Variants in KNL1 observed in about 807,000 individuals in gnomAD.
The protein encoded by KNL1 is outer kinetochore KNL1 complex subunit KNL1.
Under a neutral mutation model 201.3 loss-of-function variants are expected in KNL1, and 66 were observed. The ratio of observed to expected loss-of-function variants is 0.33; its 90% confidence interval spans 0.27 to 0.40. The LOEUF is 0.40. Among genes scored for constraint, KNL1 ranks in the 10% least tolerant of loss-of-function variants. KNL1 has a pLI of 1.00. For synonymous variants in KNL1, 895 were observed against 899.2 expected, an observed-to-expected ratio of 1.00 and a Z score of 0.08; for missense variants, 2,815 against 2,690.5, an observed-to-expected ratio of 1.05 and a Z score of -1.02.
At chr15:40,657,229 TA>T in intron 23 of KNL1, 78 bp downstream of exon 23, 10 of 1,061,394 alleles carry the variant, frequency 9.4e-6, no homozygotes, top group Non-Finnish European at 1.4e-5. Flanking sequence ...TTTACATAAA[TA>T]ATAGTGGATC....
At chr15:40,641,623 C>T (rs1324093250) in intron 14 of KNL1, among the ~76,000 whole-genome samples, 2 of 152,170 alleles carry the variant, frequency 1.3e-5, no homozygotes, top group Non-Finnish European at 2.9e-5. Context: ...TATAAAATTA[C>T]CCTCAAACTA....
chr15:40,660,520 G>C (rs1893877478), intron 25 of KNL1, among the ~76,000 whole-genome samples: 1 of 151,866 alleles, frequency 6.6e-6, no homozygotes, highest in Non-Finnish European at 1.5e-5. Flanking sequence ...CAAAAAATTA[G>C]CCAGGCGTGG....
At chr15:40,613,209 A>G (rs764534189) in intron 7 of KNL1, among the ~76,000 whole-genome samples, 7 of 152,224 alleles carry the variant, frequency 4.6e-5, no homozygotes, top group Non-Finnish European at 8.8e-5. Flanking sequence ...AAAACAAAGT[A>G]TATCATGTAT....
At chr15:40,651,669 G>A (rs1595946159) in intron 20 of KNL1, 97 bp downstream of exon 20, 1 of 801,352 alleles carries the variant, frequency 1.2e-6, no homozygotes, top group East Asian at 2.7e-5. Context: ...ATGTGTTGCT[G>A]TTTTTAACCT....
intron 24 of KNL1, among the ~76,000 whole-genome samples, chr15:40,658,095 G>A (rs1015621757): frequency 2.0e-5 from 3 of 151,950 alleles, no homozygotes; most frequent in African/African-American, 2.4e-5. Flanking sequence ...GTGAAACCCC[G>A]TCTCTACTAA....
At chr15:40,659,279 G>T in intron 24 of KNL1, 60 bp from the exon 25 acceptor site, 88 of 1,198,168 alleles carry the variant, frequency 7.3e-5, no homozygotes, top group Non-Finnish European at 8.9e-5. Context: ...AAAAAAAAAA[G>T]AAATTGTGTT....
Position 40,621,797 on chromosome 15 carries a change from A to G in KNL1, c.1533A>G (p.Ala511=), listed in dbSNP as rs144189976. The G allele has an allele frequency of 1.9e-6, 3 of 1,613,978 alleles. No individual in the cohort carries two copies. The highest frequency in any genetic ancestry group is 2.7e-5 in the African/African-American group (2 of 75,060). Residue 511 remains alanine (A), a synonymous_variant, in exon 10 of 26, where the codon GCA becomes GCG. Transcript: ENST00000399668. Reference sequence around the variant, plus strand: ...AATCAAATGTGCAAATAGCAGCTGCACCAACACCCGAAAAAGAAATGATGC... The same window carrying G: ...AATCAAATGTGCAAATAGCAGCTGCGCCAACACCCGAAAAAGAAATGATGC... ...QDQSNVQIAA[A]PTPEKEMMLQ...
rs1892694525 is a variant in KNL1 at position 40,625,041 on chromosome 15, G to A, written c.4777G>A (p.Ala1593Thr). The A allele has an allele frequency of 6.2e-7, 1 of 1,613,606 alleles. No individual in the cohort carries two copies. Among genetic ancestry groups the A allele is most frequent in the Non-Finnish European group, 8.5e-7 (1 of 1,179,846 alleles). Residue 1593 changes from alanine (A) to threonine (T), a missense_variant, in exon 10 of 26, where the codon GCA (alanine) becomes ACA (threonine). Physicochemically the swap from Ala to Thr is moderately conservative, Grantham distance 58. Coordinates refer to ENST00000399668, the MANE Select transcript of KNL1 (RefSeq NM_144508.5). ...GCAATTACTTGAATTAGGAAATAAGGCACACAATGATATGCATATAGTGCA... is the reference window on the plus strand; with the variant it reads ...GCAATTACTTGAATTAGGAAATAAGACACACAATGATATGCATATAGTGCA... Reference protein sequence around the residue: ...PEQLLELGNKAHNDMHIVQAT... With the variant: ...PEQLLELGNKTHNDMHIVQAT...
chr15:40,602,453 A>G (rs1297133684), intron 1 of KNL1, among the ~76,000 whole-genome samples: 1 of 112,588 alleles, frequency 8.9e-6, no homozygotes, highest in Admixed American at 9.1e-5. Context: ...ATCGTTTTAT[A>G]TCTTCATAAT....
At position 40,621,486 on chromosome 15, in the gene KNL1, A is replaced by G. The variant is rs756888800; in HGVS notation, c.1222A>G (p.Ile408Val). Residue 408 changes from isoleucine to valine, a missense_variant, in exon 10 of 26, where the codon ATA becomes GTA. Around this residue, in one of 3 missense-constraint regions of KNL1, gnomAD observed 2,464 missense variants for 2,291.7 expected, o/e 1.08. Transcript: ENST00000399668. ...ACAGACTTGTAATCAGGATGCCAGA[A>G]TATTAGCCATGACCCCAGAATCTAT... Reference protein sequence around the residue: ...VSQTCNQDARILAMTPESIYS... With the variant: ...VSQTCNQDARVLAMTPESIYS... The G allele has an allele frequency of 2.5e-6, 4 of 1,613,916 alleles. No homozygotes were observed. The highest frequency in any genetic ancestry group is 2.7e-5 in the African/African-American group (2 of 74,940).
In KNL1 at chr15:40,624,536, G is replaced by A; in HGVS notation, c.4272G>A (p.Lys1424=). 1.2e-6 allele frequency: 2 copies of A among 1,613,794 alleles called. No individual in the cohort carries two copies. The highest frequency in any genetic ancestry group is 1.1e-5 in the South Asian group (1 of 91,078). The change falls in exon 10 of 26, where the codon AAG becomes AAA. Residue 1424 remains lysine (K), a synonymous_variant. Coordinates refer to ENST00000399668, the MANE Select transcript of KNL1 (RefSeq NM_144508.5). ...TKLNSKRVSF[K]LPKDQMKVYV... ...TTAATTCAAAGCGAGTATCTTTTAA[G>A]CTTCCAAAGGATCAAATGAAAGTCT...
chr15:40,614,759 T>C (rs530459866), intron 7 of KNL1, among the ~76,000 whole-genome samples: 1 of 152,364 alleles, frequency 6.6e-6, no homozygotes, highest in East Asian at 1.9e-4. Flanking sequence ...TGCACCAACA[T>C]TTAGTGAACT....
At position 40,621,425 on chromosome 15, in the gene KNL1, A is replaced by G; in HGVS notation, c.1161A>G (p.Arg387=). The change falls in exon 10 of 26, where the codon AGA becomes AGG. Residue 387 remains arginine, a synonymous_variant. Coordinates refer to ENST00000399668, the MANE Select transcript of KNL1 (RefSeq NM_144508.5). ...INSADKIHIT[R]SHIMGAETHI... ...CTGCAGACAAAATACATATTACCAGAAGTCATATTATGGGGGCAGAAACTC... is the reference window on the plus strand; with the variant it reads ...CTGCAGACAAAATACATATTACCAGGAGTCATATTATGGGGGCAGAAACTC... 6.2e-7 allele frequency: 1 copy of G among 1,613,684 alleles called. No individual in the cohort carries two copies. The highest frequency in any genetic ancestry group is 8.5e-7 in the Non-Finnish European group (1 of 1,179,850).
At chr15:40,617,187 G>A (rs1233962696) in intron 8 of KNL1, among the ~76,000 whole-genome samples, 1 of 152,146 alleles carries the variant, frequency 6.6e-6, no homozygotes, top group Non-Finnish European at 1.5e-5. Context: ...GACCTCAGAT[G>A]ATCCACCGCC....
chr15:40,645,183 G>A (rs998896396), intron 15 of KNL1, 96 bp downstream of exon 15: 16 of 762,412 alleles, frequency 2.1e-5, no homozygotes, highest in Non-Finnish European at 2.6e-5. Context: ...ATAGTGATGA[G>A]TTATTTAACT....
chr15:40,646,134 C>T (rs1482435982), intron 16 of KNL1, among the ~76,000 whole-genome samples: 1 of 152,094 alleles, frequency 6.6e-6, no homozygotes, highest in African/African-American at 2.4e-5. Context: ...GTAGCATTTC[C>T]CAAAATGATT....
Position 40,623,468 on chromosome 15 carries a change from T to G in KNL1, c.3204T>G (p.Leu1068=). 1 of 1,611,564 alleles carries G rather than the reference T, an allele frequency of 6.2e-7. No individual in the cohort carries two copies. The highest frequency in any genetic ancestry group is 8.5e-7 in the Non-Finnish European group (1 of 1,179,288). The change falls in exon 10 of 26, where the codon CTT becomes CTG. Residue 1068 remains leucine (L), a synonymous_variant. Transcript: ENST00000399668. ...LSSKSQRRKS[L]KLKNDKTIVF... ...GCAAAAGTCAGAGAAGAAAAAGCCT[T>G]AAGCTAAAAAATGACAAGACCATTG... is the stretch of plus-strand genomic sequence containing the variant.
At chr15:40,634,294 A>T (rs979958487) in intron 13 of KNL1, among the ~76,000 whole-genome samples, 1 of 152,120 alleles carries the variant, frequency 6.6e-6, no homozygotes, top group Non-Finnish European at 1.5e-5. Flanking sequence ...CTTAGTAAAG[A>T]CAGGGTTTCA....
chr15:40,610,658 C>T, intron 6 of KNL1: 1 of 435,542 alleles, frequency 2.3e-6, no homozygotes, highest in South Asian at 1.8e-5. Flanking sequence ...CCAGTGCACT[C>T]CAGCCTGGGC....
Sources: allele counts gnomAD v4.1 joint callset (sites outside exome capture counted in the v4.1 genomes callset), GRCh38; gene constraint gnomAD v4.1.1; regional missense constraint gnomAD v4.1.1; transcripts MANE v1.5; gene names NCBI Gene and HGNC (gene_info 2026-07-23, HGNC 2026-07-21).